The following GABRR1 variants were observed in gnomAD, a reference collection of about 807,000 sequenced individuals.
GABRR1 encodes the protein gamma-aminobutyric acid type A receptor subunit rho1.
A neutral mutation model predicts 55.5 loss-of-function variants in GABRR1; 59 were observed. That is an observed-to-expected ratio of 1.06 (90% CI 0.86 to 1.32). GABRR1 has a LOEUF of 1.32. GABRR1 is among the 40% of genes most tolerant of loss of function. The pLI is 0.00. For missense variants in GABRR1, 602 were observed against 619.1 expected, an observed-to-expected ratio of 0.97 and a Z score of 0.29; for synonymous variants, 213 against 226.0, an observed-to-expected ratio of 0.94 and a Z score of 0.51.
At position 89,198,316 on chromosome 6, in the gene GABRR1, G is replaced by T; in HGVS notation, c.349-73C>A. On this transcript the variant is annotated intron_variant, in intron 4 of 9. Transcript: ENST00000454853. ...CTGAGATGTGGATTCTGTAGCCCCTGTGGAGCCATCACTTGGCTGGGGAAT... is the reference window on the plus strand; with the variant it reads ...CTGAGATGTGGATTCTGTAGCCCCTTTGGAGCCATCACTTGGCTGGGGAAT... 3 of 1,112,770 alleles carry T rather than the reference G, an allele frequency of 2.7e-6. No homozygotes were observed. The Admixed American group carries it at 5.1e-5, about 19-fold the overall frequency. 68.9% of individuals were successfully genotyped at this position (1,112,770 alleles called of 1,614,324 possible).
At chr6:89,180,680 C>A (rs990103810) in intron 8 of GABRR1, among the ~76,000 whole-genome samples, 192 bp from the exon 9 acceptor site, 4 of 152,246 alleles carry the variant, frequency 2.6e-5, no homozygotes, top group African/African-American at 7.2e-5. Flanking sequence ...TTCCTCTCCC[C>A]CTGCTTCCCT....
chr6:89,225,078 G>T (rs1480629841), intron 1 of GABRR1, among the ~76,000 whole-genome samples: 1 of 152,192 alleles, frequency 6.6e-6, no homozygotes, highest in Non-Finnish European at 1.5e-5. Flanking sequence ...ACCGTGCCCA[G>T]CCATCTTCTA....
chr6:89,219,505 A>T (rs2127810481), upstream of GABRR1, among the ~76,000 whole-genome samples: 1 of 152,282 alleles, frequency 6.6e-6, no homozygotes, highest in African/African-American at 2.4e-5. Context: ...TAACAAGGAG[A>T]AGGAAGATGG....
rs1431006041 is a variant in GABRR1 at position 89,177,896 on chromosome 6, G to A, written c.*874C>T. On this transcript the variant is annotated 3_prime_UTR_variant, in exon 10 of 10. Coordinates refer to ENST00000454853, the MANE Select transcript of GABRR1 (RefSeq NM_002042.5). ...CCCAAATTATGTATTTCCTTGAAGT[G>A]TTTATGCAGAAGAAATCATTCTCTA... 1 of 152,176 alleles carries A rather than the reference G, an allele frequency of 6.6e-6. No individual in the cohort carries two copies. Among genetic ancestry groups the A allele is most frequent in the Non-Finnish European group, 1.5e-5 (1 of 68,030 alleles). 9.4% of individuals were successfully genotyped at this position (152,176 alleles called of 1,614,324 possible). A position where few individuals can be genotyped will look rare whatever the true frequency, so the allele number is the denominator to read the frequency against.
intron 1 of GABRR1, among the ~76,000 whole-genome samples, chr6:89,223,220 T>A (rs1773139381): frequency 6.6e-6 from 1 of 152,158 alleles, no homozygotes. Context: ...TTTCCCCGAG[T>A]CCTCTAAGTC....
intron 1 of GABRR1, among the ~76,000 whole-genome samples, chr6:89,223,714 T>A (rs1426780973): frequency 1.6e-5 from 1 of 63,826 alleles, no homozygotes; most frequent in Non-Finnish European, 3.6e-5. Context: ...CAATATCTTT[T>A]TTTTTTTTTT....
chr6:89,180,144 T>C (rs1301930600), intron 9 of GABRR1, 148 bp downstream of exon 9: 2 of 816,150 alleles, frequency 2.5e-6, no homozygotes, highest in Non-Finnish European at 3.6e-6. Context: ...ATACACCAAT[T>C]TGTTTGCTCT....
At chr6:89,201,852 C>T (rs1772485385) in intron 2 of GABRR1, among the ~76,000 whole-genome samples, 1 of 151,938 alleles carries the variant, frequency 6.6e-6, no homozygotes, top group Non-Finnish European at 1.5e-5. Flanking sequence ...GGGAATAGGG[C>T]CTGGTATTTT....
Position 89,190,193 on chromosome 6 carries a change from T to G in GABRR1, c.627A>C (p.Thr209=), listed in dbSNP as rs1387907080. 6.2e-7 allele frequency: 1 copy of G among 1,611,166 alleles called. No homozygotes were observed. The highest frequency in any genetic ancestry group is 2.2e-5 in the East Asian group (1 of 44,668). ...TTTCAATTTCAAGAGAGCACGTTTGTGTGTCCAAGGGAAATCGGCTGAAGT... is the reference window on the plus strand; with the variant it reads ...TTTCAATTTCAAGAGAGCACGTTTGGGTGTCCAAGGGAAATCGGCTGAAGT... ...NMDFSRFPLD[T]QTCSLEIESY... Residue 209 remains threonine, a synonymous_variant, in exon 6 of 10, where the codon ACA becomes ACC. Transcript: ENST00000454853.
intron 1 of GABRR1, among the ~76,000 whole-genome samples, chr6:89,211,528 A>G (rs1231397997): frequency 6.6e-6 from 1 of 152,058 alleles, no homozygotes; most frequent in Non-Finnish European, 1.5e-5. Flanking sequence ...ATGACACAAA[A>G]CTACCATATC....
intron 4 of GABRR1, 76 bp downstream of exon 4, chr6:89,199,286 C>A (rs565351901): frequency 7.8e-7 from 1 of 1,276,574 alleles, no homozygotes; most frequent in African/African-American, 1.5e-5. Context: ...TAAGTGAATT[C>A]AGGTGCGTGG....
intron 6 of GABRR1, among the ~76,000 whole-genome samples, chr6:89,187,936 T>C (rs1235050922): frequency 2.0e-5 from 3 of 152,224 alleles, no homozygotes; most frequent in Non-Finnish European, 2.9e-5. Flanking sequence ...AATATGAGCA[T>C]ACAAGTACCT....
intron 7 of GABRR1, among the ~76,000 whole-genome samples, chr6:89,182,622 G>A (rs1401542499): frequency 6.6e-6 from 1 of 152,120 alleles, no homozygotes; most frequent in Non-Finnish European, 1.5e-5. Flanking sequence ...CTCATTACCT[G>A]GTCTAGGGTT....
intron 6 of GABRR1, among the ~76,000 whole-genome samples, chr6:89,187,133 G>A (rs1771927608): frequency 6.6e-6 from 1 of 152,170 alleles, no homozygotes. Context: ...GAGCGGACAT[G>A]TAGAGGGACA....
At chr6:89,204,653 AT>A (rs1171242873) in intron 1 of GABRR1, 1 of 1,287,034 alleles carries the variant, frequency 7.8e-7, no homozygotes, top group African/African-American at 1.5e-5. Context: ...GGTTTGTCAA[AT>A]TCTGAGATGC....
At chr6:89,196,822 G>GGAAAGAAAGAA (rs1554190820) in intron 5 of GABRR1, among the ~76,000 whole-genome samples, 32 of 91,062 alleles carry the variant, frequency 3.5e-4, no homozygotes, top group African/African-American at 1.3e-3. Flanking sequence ...AAGAAAAGAA[G>GGAAAGAAAGAA]GAAAGAAAGA....
chr6:89,197,193 T>G (rs1220284456), intron 5 of GABRR1, among the ~76,000 whole-genome samples: 1 of 152,218 alleles, frequency 6.6e-6, no homozygotes, highest in African/African-American at 2.4e-5. Context: ...AAGTCTACTG[T>G]GCAAGCATCC....
At chr6:89,193,999 A>G (rs886460116) in intron 5 of GABRR1, among the ~76,000 whole-genome samples, 1 of 152,210 alleles carries the variant, frequency 6.6e-6, no homozygotes. Context: ...GAGGTGATCA[A>G]TCAGATTCCC....
At chr6:89,216,145 G>A (rs1337143915) in intron 1 of GABRR1, among the ~76,000 whole-genome samples, 1 of 152,198 alleles carries the variant, frequency 6.6e-6, no homozygotes, top group Admixed American at 6.5e-5. Flanking sequence ...GTTTTGTGAT[G>A]TTGTTAAGAA....
Sources: allele counts gnomAD v4.1 joint callset (sites outside exome capture counted in the v4.1 genomes callset), GRCh38; gene constraint gnomAD v4.1.1; transcripts MANE v1.5; gene names NCBI Gene and HGNC (gene_info 2026-07-23, HGNC 2026-07-21).